Variants in BTC observed in about 807,000 individuals in gnomAD.
BTC encodes the protein betacellulin, also known as probetacellulin.
BTC carries 13 observed loss-of-function variants against 18.1 expected under a neutral mutation model. The observed-to-expected ratio is 0.72, with a 90% CI of 0.47 to 1.14. BTC has a LOEUF of 1.14. Ranked by LOEUF, BTC falls within the 50% of genes most tolerant of loss-of-function variation. The pLI is 0.00. For missense variants in BTC, 247 were observed against 224.2 expected, an observed-to-expected ratio of 1.10 and a Z score of -0.65; for synonymous variants, 83 against 79.4, an observed-to-expected ratio of 1.05 and a Z score of -0.24.
At chr4:74,769,928 C>T (rs965218411) in intron 2 of BTC, 130 bp downstream of exon 2, 32 of 657,872 alleles carry the variant, frequency 4.9e-5, no homozygotes, top group Middle Eastern at 3.8e-4. Context: ...TGATTAATTA[C>T]TGTATATAAA....
intron 1 of BTC, among the ~76,000 whole-genome samples, chr4:74,789,561 G>A (rs1725567614): frequency 6.6e-6 from 1 of 151,976 alleles, no homozygotes. Flanking sequence ...TACACAAAAG[G>A]AGTTTAAGCA....
intron 4 of BTC, 22 bp from the exon 5 acceptor site, chr4:74,748,171 GTTAGTATGGGCCTA>G (rs1553955671): frequency 7.1e-7 from 1 of 1,404,620 alleles, no homozygotes; most frequent in Non-Finnish European, 1.0e-6. Flanking sequence ...CGTGTTAGAA[GTTAGTATGGGCCTA>G]GTAGTTCATG....
At chr4:74,761,720 G>A (rs1051811880) in intron 2 of BTC, among the ~76,000 whole-genome samples, 2 of 152,058 alleles carry the variant, frequency 1.3e-5, no homozygotes, top group Admixed American at 1.3e-4. Flanking sequence ...AATACATGCA[G>A]AATAACCTCA....
rs782065691 is a variant in BTC at position 74,746,433 on chromosome 4, T to C, written c.*244A>G. The C allele has an allele frequency of 3.3e-5, 5 of 152,670 alleles. No homozygotes were observed. The highest frequency in any genetic ancestry group is 6.5e-5 in the Admixed American group (1 of 15,290). The allele number at this position is 152,670 out of a possible 1,614,324, so 9.5% of individuals were successfully genotyped here. A position where few individuals can be genotyped will look rare whatever the true frequency, so the allele number is the denominator to read the frequency against. On this transcript the variant is annotated 3_prime_UTR_variant, in exon 6 of 6. Coordinates refer to ENST00000395743, the MANE Select transcript of BTC (RefSeq NM_001729.4). ...GTGACAATACTTAAGTGAAAGGTTATTGAAATTTCCCTTCTGTTGTTGCTA... is the reference window on the plus strand; with the variant it reads ...GTGACAATACTTAAGTGAAAGGTTACTGAAATTTCCCTTCTGTTGTTGCTA...
At chr4:74,749,931 C>CAA (rs782482968) in intron 4 of BTC, among the ~76,000 whole-genome samples, 1,289 of 73,952 alleles carry the variant, frequency 0.017, 37 homozygotes, top group African/African-American at 0.057. Flanking sequence ...CCAGTCTCCA[C>CAA]AAAAAAAAAA....
intron 1 of BTC, among the ~76,000 whole-genome samples, chr4:74,773,137 G>A (rs1725088717): frequency 6.6e-6 from 1 of 152,214 alleles, no homozygotes; most frequent in Non-Finnish European, 1.5e-5. Flanking sequence ...ACCAAAGCAA[G>A]CCTGAAGAAG....
chr4:74,788,109 C>T (rs968487527), intron 1 of BTC, among the ~76,000 whole-genome samples: 1 of 152,106 alleles, frequency 6.6e-6, no homozygotes, highest in African/African-American at 2.4e-5. Flanking sequence ...ATTACAAAAC[C>T]CCCTGCCTCC....
intron 1 of BTC, among the ~76,000 whole-genome samples, chr4:74,781,559 A>C (rs1353506145): frequency 6.6e-6 from 1 of 151,892 alleles, no homozygotes; most frequent in Non-Finnish European, 1.5e-5. Context: ...TGACTTTCCC[A>C]AATCTTCCAT....
chr4:74,783,223 A>G (rs1725384232), intron 1 of BTC, among the ~76,000 whole-genome samples: 1 of 152,064 alleles, frequency 6.6e-6, no homozygotes, highest in African/African-American at 2.4e-5. Context: ...TAGAGTTTTT[A>G]TAGTTTTGGG....
At position 74,794,121 on chromosome 4, in the gene BTC, C is replaced by G. The variant is rs925686014; in HGVS notation, c.64+141G>C. ...GATCTTTAACCTCGCGCTCTCCCAG[C>G]CTTCAAAGTTCTCCAACCCGCGCCT... On this transcript the variant is annotated intron_variant, in intron 1 of 5. Transcript: ENST00000395743. 3.8e-6 allele frequency: 4 copies of G among 1,062,208 alleles called. No individual in the cohort carries two copies. In the South Asian group the frequency reaches 4.3e-5, roughly 11 times the overall value. The allele number at this position is 1,062,208 out of a possible 1,614,324, so 65.8% of individuals were successfully genotyped here. A position where few individuals can be genotyped will look rare whatever the true frequency, so the allele number is the denominator to read the frequency against.
chr4:74,781,157 C>T lies in BTC; in HGVS notation c.65-11001G>A, dbSNP rs1349552449. ...GTGTGTACAGGCAGGGGAAGCTCAC[C>T]ACATCCCAAGGCATCTGGCTCCACT... is the stretch of plus-strand genomic sequence containing the variant. On this transcript the variant is annotated intron_variant, in intron 1 of 5. Coordinates refer to ENST00000395743, the MANE Select transcript of BTC (RefSeq NM_001729.4). Among the ~76,000 whole-genome samples the T allele has an allele frequency of 2.0e-5, 3 of 152,144 alleles. No homozygotes were observed. In the East Asian group the frequency reaches 5.8e-4, roughly 29 times the overall value.
chr4:74,746,871 T>G (rs1165178611), intron 5 of BTC, among the ~76,000 whole-genome samples, 196 bp from the exon 6 acceptor site: 1 of 152,234 alleles, frequency 6.6e-6, no homozygotes, highest in East Asian at 1.9e-4. Flanking sequence ...CTGGAAGAGA[T>G]TCTTTGTACA....
In BTC at chr4:74,745,751, C is replaced by T. The variant is rs1170106105; in HGVS notation, c.*926G>A. On this transcript the variant is annotated 3_prime_UTR_variant, in exon 6 of 6. Transcript: ENST00000395743. ...TTACTCCCATATAAACAGCCTCTTT[C>T]AGTAATATTATTTATATTTTATTGA... is the stretch of plus-strand genomic sequence containing the variant. 6.6e-6 allele frequency: 1 copy of T among 152,134 alleles called. No homozygotes were observed. The highest frequency in any genetic ancestry group is 1.5e-5 in the Non-Finnish European group (1 of 68,014). The allele number at this position is 152,134 out of a possible 1,614,324, so 9.4% of individuals were successfully genotyped here. A position where few individuals can be genotyped will look rare whatever the true frequency, so the allele number is the denominator to read the frequency against.
At chr4:74,765,954 T>C (rs531591182) in intron 2 of BTC, among the ~76,000 whole-genome samples, 28 of 152,260 alleles carry the variant, frequency 1.8e-4, no homozygotes, top group Non-Finnish European at 3.7e-4. Flanking sequence ...CACACCTTAG[T>C]TATATGGTAT....
chr4:74,776,791 G>A (rs572928569), intron 1 of BTC, among the ~76,000 whole-genome samples: 1 of 152,182 alleles, frequency 6.6e-6, no homozygotes, highest in Non-Finnish European at 1.5e-5. Flanking sequence ...CATTTTTAGA[G>A]CCAAGTGCAT....
At chr4:74,759,796 CTT>C (rs1560713116) in intron 2 of BTC, among the ~76,000 whole-genome samples, 1 of 152,124 alleles carries the variant, frequency 6.6e-6, no homozygotes, top group Non-Finnish European at 1.5e-5. Context: ...TAGTCATCCT[CTT>C]TGGGTCATAT....
At chr4:74,753,141 CTAAG>C (rs1174067767) in intron 3 of BTC, among the ~76,000 whole-genome samples, 1 of 152,052 alleles carries the variant, frequency 6.6e-6, no homozygotes, top group Non-Finnish European at 1.5e-5. Context: ...TAAATGGTGA[CTAAG>C]TGGGTTTTTA....
intron 1 of BTC, among the ~76,000 whole-genome samples, chr4:74,776,849 A>G (rs79132031): frequency 4.6e-5 from 7 of 152,314 alleles, no homozygotes; most frequent in Non-Finnish European, 8.8e-5. Context: ...CCATTCATTT[A>G]TATTCTGATG....
intron 3 of BTC, among the ~76,000 whole-genome samples, chr4:74,750,965 A>G (rs1724444947): frequency 6.6e-6 from 1 of 152,166 alleles, no homozygotes. Context: ...AAGGATGATG[A>G]CAATTAACTA....
Sources: gnomAD v4.1 joint callset for allele counts (sites outside exome capture counted in the v4.1 genomes callset) on GRCh38, gnomAD v4.1.1 for gene constraint, MANE v1.5 for transcripts, NCBI Gene and HGNC (gene_info 2026-07-23, HGNC 2026-07-21) for gene names.